Variants in NOTCH1 observed in about 807,000 individuals in gnomAD.
NOTCH1 encodes notch receptor 1, also known as neurogenic locus notch homolog protein 1.
NOTCH1 carries 37 observed loss-of-function variants against 254.8 expected under a neutral mutation model. That is an observed-to-expected ratio of 0.15 (90% CI 0.11 to 0.19). The LOEUF (loss-of-function observed/expected upper bound fraction) is 0.19, where lower values mean the gene tolerates loss of function less well. NOTCH1 is among the 10% of genes least tolerant of loss of function. The pLI, the probability that NOTCH1 is intolerant of heterozygous loss-of-function variation, is 1.00. For synonymous variants in NOTCH1, 1,731 were observed against 1,618.1 expected (o/e 1.07, Z -1.68); for missense variants, 2,972 against 3,708.6 (o/e 0.80, Z 5.16).
At chr9:136,543,972 G>A (rs919707362) in intron 2 of NOTCH1, 52 bp downstream of exon 2, 236 of 1,496,850 alleles carry the variant, frequency 1.6e-4, no homozygotes, top group Middle Eastern at 1.4e-3. Context: ...GCTGCAGAAG[G>A]CAGGGGCTCT....
intron 2 of NOTCH1, among the ~76,000 whole-genome samples, chr9:136,528,531 G>GGGGGTGGGC (rs1843510172): frequency 8.4e-6 from 1 of 119,292 alleles, no homozygotes; most frequent in African/African-American, 3.1e-5. Context: ...AGGGACAGTG[G>GGGGGTGGGC]AGGGACGGGC....
intron 1 of NOTCH1, among the ~76,000 whole-genome samples, chr9:136,544,510 C>T (rs1454788268): frequency 6.6e-6 from 1 of 152,174 alleles, no homozygotes; most frequent in Non-Finnish European, 1.5e-5. Flanking sequence ...CATCCAGCCG[C>T]CGAGATTGCC....
Position 136,513,570 on chromosome 9 carries a change from G to C in NOTCH1, c.2208-33C>G. 1.2e-6 allele frequency: 2 copies of C among 1,612,004 alleles called. No individual in the cohort carries two copies. The highest frequency in any genetic ancestry group is 1.7e-6 in the Non-Finnish European group (2 of 1,179,664). Reference sequence around the variant, plus strand: ...GGGGACCACACTGCAGGTCGAGGGAGGCCCGAGCAGCACGGCCGGGGCCTG... The same window carrying C: ...GGGGACCACACTGCAGGTCGAGGGACGCCCGAGCAGCACGGCCGGGGCCTG... On this transcript the variant is annotated intron_variant, in intron 13 of 33. Transcript: ENST00000651671. This position sits in a 1 kb window ranked among gnomAD's most constrained non-coding sequence, Gnocchi z 4.7.
rs767614547 is a variant in NOTCH1, at chr9:136,510,780, G to A, written c.2613C>T (p.Asn871=). The A allele has an allele frequency of 2.2e-5, 36 of 1,609,992 alleles. No homozygotes were observed. Among genetic ancestry groups the A allele is most frequent in the Admixed American group, 3.3e-5 (2 of 60,002 alleles). The part of the protein sequence containing the change: ...WQGQTCEVDI[N]ECVLSPCRHG... ...GCCGGCACGGGCTCAGAACGCACTC[G>A]TTGATGTCGACCTCACAGGTCTGCC... Residue 871 remains asparagine, a synonymous_variant, in exon 17 of 34, where the codon AAC becomes AAT. Transcript: ENST00000651671.
chr9:136,510,839 C>A (rs369307046), intron 16 of NOTCH1, 34 bp from the exon 17 acceptor site: 21 of 1,603,496 alleles, frequency 1.3e-5, no homozygotes, highest in Non-Finnish European at 1.7e-5. Context: ...TGGTCACCAG[C>A]GGCCCCTGGC....
intron 3 of NOTCH1, 147 bp downstream of exon 3, chr9:136,523,570 A>C: frequency 9.9e-7 from 1 of 1,010,538 alleles, no homozygotes; most frequent in Non-Finnish European, 1.4e-6. Flanking sequence ...CAGGTCTGGG[A>C]GGGGGGCAGG....
At position 136,506,941 on chromosome 9, in the gene NOTCH1, T is replaced by G. The variant is rs751695210; in HGVS notation, c.3676A>C (p.Asn1226His). 3 of 1,610,906 alleles carry G rather than the reference T, an allele frequency of 1.9e-6. No individual in the cohort carries two copies. In the East Asian group the frequency reaches 6.7e-5, roughly 36 times the overall value. Residue 1226 changes from asparagine (N) to histidine (H), a missense_variant, in exon 23 of 34, where the codon AAT (asparagine) becomes CAT (histidine). Asn to His is a moderately conservative substitution (Grantham distance 68). This residue lies in a region of NOTCH1 where 1,343 missense variants were observed against 1,557.0 expected (regional missense o/e 0.86). Transcript: ENST00000651671. The surrounding 1 kb of genome is among the most constrained non-coding windows in gnomAD (Gnocchi z 4.5). The part of the protein sequence containing the change: ...VHCEINVDDC[N>H]PPVDPVSRSP... The stretch of plus-strand genomic sequence containing the variant: ...CGGGACACGGGGTCAACGGGGGGAT[T>G]GCAGTCGTCCACGTTGATCTCACAG...
intron 13 of NOTCH1, 60 bp downstream of exon 13, chr9:136,514,450 G>T (rs2133360110): frequency 6.6e-7 from 1 of 1,518,036 alleles, no homozygotes; most frequent in Non-Finnish European, 8.9e-7. Context: ...CCACCCTCCT[G>T]GCAGCAGAGC....
intron 27 of NOTCH1, 192 bp from the exon 28 acceptor site, chr9:136,502,680 C>T: frequency 3.5e-6 from 2 of 579,692 alleles, no homozygotes; most frequent in Admixed American, 3.2e-5. Flanking sequence ...TAAATTCTCT[C>T]CTGCACCAGC....
In NOTCH1 at chr9:136,518,790, C is replaced by T. The variant is rs1843320159; in HGVS notation, c.900G>A (p.Gln300=). Residue 300 remains glutamine, a synonymous_variant, in exon 6 of 34, where the codon CAG becomes CAA. Transcript: ENST00000651671. ...CGTTCTGGCAGGCATTTGGCATCAG[C>T]TGGCACTCGTCCACATCCTCGGTAC... ...QYCTEDVDEC[Q]LMPNACQNGG... 6.2e-7 allele frequency: 1 copy of T among 1,612,882 alleles called. No individual in the cohort carries two copies. Among genetic ancestry groups the T allele is most frequent in the Non-Finnish European group, 8.5e-7 (1 of 1,179,988 alleles).
chr9:136,516,416 G>A (rs1296958212), intron 9 of NOTCH1, among the ~76,000 whole-genome samples: 4 of 152,350 alleles, frequency 2.6e-5, no homozygotes, highest in African/African-American at 9.6e-5. Context: ...TGTCTTGGGA[G>A]CCTAGGCTTG....
rs1422917398 is a variant in NOTCH1 at position 136,502,323 on chromosome 9, G to A, written c.5333C>T (p.Ala1778Val). The stretch of plus-strand genomic sequence containing the variant: ...GGGCTCCCGCCGCTTCTTCTTGCTG[G>A]CCTCAGACACTTTGAAGCCCTCAGG... ...WFPEGFKVSE[A>V]SKKKRREPLG... The change falls in exon 28 of 34, where the codon GCC becomes GTC. Residue 1778 changes from alanine (A) to valine (V), a missense_variant. Physicochemically the swap from Ala to Val is moderately conservative, Grantham distance 64 (BLOSUM62 0). Coordinates refer to ENST00000651671, the MANE Select transcript of NOTCH1 (RefSeq NM_017617.5). The A allele has an allele frequency of 1.3e-5, 21 of 1,612,386 alleles. No homozygotes were observed. The highest frequency in any genetic ancestry group is 1.7e-5 in the Non-Finnish European group (20 of 1,179,828).
intron 15 of NOTCH1, 25 bp downstream of exon 15, chr9:136,512,996 A>G (rs368598993): frequency 6.8e-5 from 34 of 499,540 alleles, no homozygotes; most frequent in Non-Finnish European, 9.2e-5. Flanking sequence ...CGCCCCCTCC[A>G]GCACAGGCCC....
intron 16 of NOTCH1, 69 bp downstream of exon 16, chr9:136,511,083 G>GAGCT (rs1843174164): frequency 6.2e-7 from 1 of 1,609,174 alleles, no homozygotes. Context: ...GCCTGCCTGG[G>GAGCT]AGCTGCCTGT....
At chr9:136,519,082 A>G (rs1355365930) in intron 5 of NOTCH1, among the ~76,000 whole-genome samples, 1 of 152,196 alleles carries the variant, frequency 6.6e-6, no homozygotes, top group Non-Finnish European at 1.5e-5. Context: ...TCCCGAACAC[A>G]GGGCCTGTCT....
rs760225110 is a variant in NOTCH1 at position 136,505,300 on chromosome 9, G to A, written c.4586+10C>T. The A allele has an allele frequency of 2.1e-4, 333 of 1,560,556 alleles. No homozygotes were observed. The highest frequency in any genetic ancestry group is 2.8e-4 in the Non-Finnish European group (324 of 1,153,102). On this transcript the variant is annotated intron_variant, in intron 25 of 33. Coordinates refer to ENST00000651671, the MANE Select transcript of NOTCH1 (RefSeq NM_017617.5). ...GTCCTCCCTCAGCCCCATGAGCCCC[G>A]CAGCCTTACTTGCACTGGCCTTCCG...
chr9:136,515,016 C>T (rs756251759), intron 12 of NOTCH1, among the ~76,000 whole-genome samples: 2 of 152,226 alleles, frequency 1.3e-5, no homozygotes, highest in African/African-American at 4.8e-5. Context: ...GGTACTTAAG[C>T]CTGGCCTCAG....
rs1200133122 is a variant in NOTCH1 at position 136,518,501 on chromosome 9, C to G, written c.1099+90G>C. ...AGGCCCTTTCAGGTTATCCTGGGTG[C>G]AGGAGGGCCACAGTCCCTGGGTGAG... is the stretch of plus-strand genomic sequence containing the variant. On this transcript the variant is annotated intron_variant, in intron 6 of 33. Transcript: ENST00000651671. 4.7e-6 allele frequency: 6 copies of G among 1,275,056 alleles called. No individual in the cohort carries two copies. In the South Asian group the frequency reaches 5.0e-5, roughly 11 times the overall value. The allele number at this position is 1,275,056 out of a possible 1,614,324, so 79.0% of individuals were successfully genotyped here.
intron 15 of NOTCH1, among the ~76,000 whole-genome samples, chr9:136,512,163 G>A (rs1354722383): frequency 6.6e-6 from 1 of 152,262 alleles, no homozygotes; most frequent in East Asian, 1.9e-4. Context: ...CGACGTGTCT[G>A]AAAGGGACAG....
Sources: allele counts gnomAD v4.1 joint callset (sites outside exome capture counted in the v4.1 genomes callset), GRCh38; gene constraint gnomAD v4.1.1; regional missense constraint gnomAD v4.1.1; non-coding constraint Gnocchi (gnomAD v3.1); transcripts MANE v1.5; gene names NCBI Gene and HGNC (gene_info 2026-07-23, HGNC 2026-07-21).